PPP1R10: variants seen among roughly 807,000 people sequenced by gnomAD.
PPP1R10 encodes the protein serine/threonine-protein phosphatase 1 regulatory subunit 10.
PPP1R10 carries 15 observed loss-of-function variants against 99.0 expected under a neutral mutation model. That is an observed-to-expected ratio of 0.15 (90% CI 0.10 to 0.23). The LOEUF is 0.23. Ranked by LOEUF, PPP1R10 falls within the 10% of genes least tolerant of loss-of-function variation. The pLI is 1.00. For missense variants in PPP1R10, 947 were observed against 1,259.4 expected (o/e 0.75, Z 3.75); for synonymous variants, 430 against 449.5 (o/e 0.96, Z 0.55).
intron 2 of PPP1R10, among the ~76,000 whole-genome samples, chr6:30,610,713 GCTTT>G (rs1285812922): frequency 1.3e-5 from 2 of 152,168 alleles, no homozygotes; most frequent in African/African-American, 4.8e-5. Context: ...AGTGGTTTGT[GCTTT>G]CAAAAGCAAA....
At chr6:30,612,723 C>T (rs1804681342) in intron 2 of PPP1R10, among the ~76,000 whole-genome samples, 1 of 152,052 alleles carries the variant, frequency 6.6e-6, no homozygotes, top group Non-Finnish European at 1.5e-5. Flanking sequence ...AGTTTCCTTG[C>T]TTTGAAGTCA....
intron 2 of PPP1R10, among the ~76,000 whole-genome samples, chr6:30,615,759 T>C (rs1271237324): frequency 6.6e-6 from 1 of 152,160 alleles, no homozygotes; most frequent in African/African-American, 2.4e-5. Flanking sequence ...CTATGCAATC[T>C]GCAACAATTA....
rs372346129 is a variant in PPP1R10, at chr6:30,616,625, G to A, written c.-159C>T. On this transcript the variant is annotated 5_prime_UTR_variant, in exon 2 of 20. Transcript: ENST00000376511. The stretch of plus-strand genomic sequence containing the variant: ...ATCAAAAAGTCTTTTAAAAAATAAA[G>A]GCCAACTCAGTATTCATTTCCCCCC... 1 of 152,074 alleles carries A rather than the reference G, an allele frequency of 6.6e-6. No homozygotes were observed. The highest frequency in any genetic ancestry group is 1.5e-5 in the Non-Finnish European group (1 of 68,004). 9.4% of individuals were successfully genotyped at this position (152,074 alleles called of 1,614,324 possible).
At chr6:30,610,980 T>C (rs1270744190) in intron 2 of PPP1R10, among the ~76,000 whole-genome samples, 1 of 152,050 alleles carries the variant, frequency 6.6e-6, no homozygotes, top group Non-Finnish European at 1.5e-5. Context: ...GATTGGGATT[T>C]TTATCTACAC....
chr6:30,603,329 A>C, intron 16 of PPP1R10, 44 bp from the exon 17 acceptor site: 1 of 1,589,904 alleles, frequency 6.3e-7, no homozygotes, highest in Non-Finnish European at 8.6e-7. Flanking sequence ...AGAAAGGGTA[A>C]CAACCATGGC....
rs772597857 is a variant in PPP1R10, at chr6:30,606,281, AC to A, written c.635-39del. ...GCACGGTGTGGGCAGCTGAACTCAAACCCCAGACCCCCGAATTTTCCTCCCG... is the reference window on the plus strand; with the variant it reads ...GCACGGTGTGGGCAGCTGAACTCAAACCCAGACCCCCGAATTTTCCTCCCG... On this transcript the variant is annotated intron_variant, in intron 8 of 19. Transcript: ENST00000376511. The surrounding 1 kb of genome is among the most constrained non-coding windows in gnomAD (Gnocchi z 6.3). The A allele has an allele frequency of 1.2e-6, 2 of 1,604,840 alleles. No individual in the cohort carries two copies. The highest frequency in any genetic ancestry group is 1.7e-6 in the Non-Finnish European group (2 of 1,173,900).
At position 30,601,654 on chromosome 6, in the gene PPP1R10, C is replaced by T; in HGVS notation, c.2718G>A (p.Met906Ile). The T allele has an allele frequency of 1.2e-6, 2 of 1,613,926 alleles. No homozygotes were observed. The highest frequency in any genetic ancestry group is 1.7e-6 in the Non-Finnish European group (2 of 1,179,922). Reference protein sequence around the residue: ...HDGGHSHGGDMSNRPVCRHFM... With the variant: ...HDGGHSHGGDISNRPVCRHFM... ...AATGTCGGCAGACAGGGCGGTTTGACATGTCTGTGGGAACGATGGCAAAAC... is the reference window on the plus strand; with the variant it reads ...AATGTCGGCAGACAGGGCGGTTTGATATGTCTGTGGGAACGATGGCAAAAC... Residue 906 changes from methionine to isoleucine, a missense_variant, in exon 20 of 20, where the codon ATG (methionine) becomes ATA (isoleucine). Around this residue, in one of 10 missense-constraint regions of PPP1R10, gnomAD observed 525 missense variants for 578.8 expected, o/e 0.91. Transcript: ENST00000376511.
At chr6:30,612,038 T>C (rs1804612838) in intron 2 of PPP1R10, among the ~76,000 whole-genome samples, 1 of 152,168 alleles carries the variant, frequency 6.6e-6, no homozygotes, top group Admixed American at 6.5e-5. Flanking sequence ...TGTTGGAGAC[T>C]GGAAAAGCAA....
rs1410735604 is a variant in PPP1R10, at chr6:30,606,752, C to T, written c.460+27G>A. The T allele has an allele frequency of 6.2e-7, 1 of 1,611,820 alleles. No individual in the cohort carries two copies. Among genetic ancestry groups the T allele is most frequent in the Non-Finnish European group, 8.5e-7 (1 of 1,177,986 alleles). On this transcript the variant is annotated intron_variant, in intron 7 of 19. Coordinates refer to ENST00000376511, the MANE Select transcript of PPP1R10 (RefSeq NM_002714.4). This position sits in a 1 kb window ranked among gnomAD's most constrained non-coding sequence, Gnocchi z 6.3. ...CATCCCAATAGGAAAGAAATAAATACAAAGGATAAAGGACTAAGGAGCTTA... is the reference window on the plus strand; with the variant it reads ...CATCCCAATAGGAAAGAAATAAATATAAAGGATAAAGGACTAAGGAGCTTA...
rs1804254923 is a variant in PPP1R10 at position 30,608,909 on chromosome 6, A to T, written c.200T>A (p.Ile67Asn). 1 of 1,614,054 alleles carries T rather than the reference A, an allele frequency of 6.2e-7. No homozygotes were observed. The highest frequency in any genetic ancestry group is 1.3e-5 in the African/African-American group (1 of 74,916). Reference protein sequence around the residue: ...TRSPEILVKFIDVGGYKLLNN... With the variant: ...TRSPEILVKFNDVGGYKLLNN... Reference sequence around the variant, plus strand: ...AAGAAGTTTGTAGCCGCCAACGTCAATAAATCTGCAGGCAGGCAGGAGAGT... The same window carrying T: ...AAGAAGTTTGTAGCCGCCAACGTCATTAAATCTGCAGGCAGGCAGGAGAGT... Residue 67 changes from isoleucine to asparagine, a missense_variant, in exon 5 of 20, where the codon ATT becomes AAT. Physicochemically the swap from Ile to Asn is moderately radical, Grantham distance 149 (BLOSUM62 -3). Transcript: ENST00000376511.
chr6:30,604,703 T>C lies in PPP1R10; in HGVS notation c.987A>G (p.Glu329=), dbSNP rs764014541. 1.1e-5 allele frequency: 17 copies of C among 1,612,966 alleles called. No homozygotes were observed. In the Admixed American group the frequency reaches 1.3e-4, roughly 13 times the overall value. Residue 329 remains glutamate, a synonymous_variant, in exon 12 of 20, where the codon GAA becomes GAG. Coordinates refer to ENST00000376511, the MANE Select transcript of PPP1R10 (RefSeq NM_002714.4). The surrounding 1 kb of genome is among the most constrained non-coding windows in gnomAD (Gnocchi z 7.3). ...GGGAAGAAGGTTTGGCTGTGCTTGG[T>C]TCTGTGCTCGTTTTCCCTTCAAAGG... ...PSPFEGKTST[E]PSTAKPSSPE...
chr6:30,602,926 G>C lies in PPP1R10; in HGVS notation c.1877C>G (p.Ala626Gly). The change falls in exon 18 of 20, where the codon GCC becomes GGC. Residue 626 changes from alanine (A) to glycine (G), a missense_variant. Around this residue, in one of 10 missense-constraint regions of PPP1R10, gnomAD observed 525 missense variants for 578.8 expected, o/e 0.91. Coordinates refer to ENST00000376511, the MANE Select transcript of PPP1R10 (RefSeq NM_002714.4). The surrounding 1 kb of genome is among the most constrained non-coding windows in gnomAD (Gnocchi z 6.7). The stretch of plus-strand genomic sequence containing the variant: ...AGGACCCCCTGGTGGGAAACCATTG[G>C]CTATTGGGCCAGGGCCTAGGAGTCC... The part of the protein sequence containing the change: ...PHGLLGPGPI[A>G]NGFPPGGPGG... 1 of 1,554,724 alleles carries C rather than the reference G, an allele frequency of 6.4e-7. No individual in the cohort carries two copies. The highest frequency in any genetic ancestry group is 8.7e-7 in the Non-Finnish European group (1 of 1,148,250).
Position 30,602,988 on chromosome 6 carries a change from A to G in PPP1R10, c.1844-29T>C. 1 of 1,508,412 alleles carries G rather than the reference A, an allele frequency of 6.6e-7. No individual in the cohort carries two copies. Among genetic ancestry groups the G allele is most frequent in the Non-Finnish European group, 8.9e-7 (1 of 1,118,702 alleles). The allele number at this position is 1,508,412 out of a possible 1,614,324, so 93.4% of individuals were successfully genotyped here. A position where few individuals can be genotyped will look rare whatever the true frequency, so the allele number is the denominator to read the frequency against. On this transcript the variant is annotated intron_variant, in intron 17 of 19. Coordinates refer to ENST00000376511, the MANE Select transcript of PPP1R10 (RefSeq NM_002714.4). This position sits in a 1 kb window ranked among gnomAD's most constrained non-coding sequence, Gnocchi z 6.7. ...TTAATGAAAACAAGAGTAACACAGC[A>G]TGAGCACTCTAGAAGACTAGCATGA...
chr6:30,602,040 T>C lies in PPP1R10; in HGVS notation c.2609A>G (p.His870Arg). Reference sequence around the variant, plus strand: ...ATGAGGTGGCGGCCCTCGATGGTCATGGCCTCGGTGACCAGGGACATCATG... The same window carrying C: ...ATGAGGTGGCGGCCCTCGATGGTCACGGCCTCGGTGACCAGGGACATCATG... The part of the protein sequence containing the change: ...RPHDVPGHRG[H>R]DHRGPPPHEH... Residue 870 changes from histidine (H) to arginine (R), a missense_variant, in exon 19 of 20, where the codon CAT becomes CGT. Around this residue, in one of 10 missense-constraint regions of PPP1R10, gnomAD observed 525 missense variants for 578.8 expected, o/e 0.91. Coordinates refer to ENST00000376511, the MANE Select transcript of PPP1R10 (RefSeq NM_002714.4). The surrounding 1 kb of genome is among the most constrained non-coding windows in gnomAD (Gnocchi z 6.7). 1 of 1,553,632 alleles carries C rather than the reference T, an allele frequency of 6.4e-7. No homozygotes were observed. The highest frequency in any genetic ancestry group is 8.7e-7 in the Non-Finnish European group (1 of 1,146,336).
chr6:30,607,058 A>G (rs957003335), intron 6 of PPP1R10, among the ~76,000 whole-genome samples: 2 of 152,242 alleles, frequency 1.3e-5, no homozygotes, highest in African/African-American at 4.8e-5. Flanking sequence ...TTCTACTTGG[A>G]TAACTTTCAA....
At position 30,607,992 on chromosome 6, in the gene PPP1R10, T is replaced by A. The variant is rs1023526820; in HGVS notation, c.331-101A>T. Reference sequence around the variant, plus strand: ...GTTACAGTCCTCCCTGCTTTTTTTTTTTTTTTTATTTTTTGAGACGGAGTC... The same window carrying A: ...GTTACAGTCCTCCCTGCTTTTTTTTATTTTTTTATTTTTTGAGACGGAGTC... On this transcript the variant is annotated intron_variant, in intron 5 of 19. Coordinates refer to ENST00000376511, the MANE Select transcript of PPP1R10 (RefSeq NM_002714.4). 129 of 1,234,072 alleles carry A rather than the reference T, an allele frequency of 1.0e-4. 2 individuals carry two copies. Among genetic ancestry groups the A allele is most frequent in the Non-Finnish European group, 1.2e-4 (108 of 873,548 alleles). The allele number at this position is 1,234,072 out of a possible 1,614,324, so 76.4% of individuals were successfully genotyped here.
intron 5 of PPP1R10, among the ~76,000 whole-genome samples, 199 bp downstream of exon 5, chr6:30,608,580 C>T (rs892064806): frequency 2.0e-5 from 3 of 152,080 alleles, no homozygotes; most frequent in South Asian, 2.1e-4. Flanking sequence ...GGATCACAGG[C>T]GTGAGCCACC....
intron 10 of PPP1R10, among the ~76,000 whole-genome samples, chr6:30,605,642 C>T (rs935041058): frequency 3.3e-5 from 5 of 151,962 alleles, no homozygotes; most frequent in Admixed American, 1.3e-4. Context: ...GGGTGGATCA[C>T]GAGGTCAGGA....
chr6:30,608,122 G>C (rs1370989952), intron 5 of PPP1R10, among the ~76,000 whole-genome samples: 1 of 151,628 alleles, frequency 6.6e-6, no homozygotes, highest in Non-Finnish European at 1.5e-5. Flanking sequence ...CTAAATAACT[G>C]AGACTACAGG....
Sources: gnomAD v4.1 joint callset for allele counts (sites outside exome capture counted in the v4.1 genomes callset) on GRCh38, gnomAD v4.1.1 for gene constraint, gnomAD v4.1.1 regional missense constraint, Gnocchi (gnomAD v3.1) non-coding constraint, MANE v1.5 for transcripts, NCBI Gene and HGNC (gene_info 2026-07-23, HGNC 2026-07-21) for gene names.